Variants in SLC27A3 observed in about 807,000 individuals in gnomAD.
SLC27A3 encodes the protein solute carrier family 27 member 3.
In SLC27A3, 60 loss-of-function variants were observed where a neutral mutation model predicts 60.1. That is an observed-to-expected ratio of 1.00 (90% CI 0.81 to 1.24). The LOEUF (loss-of-function observed/expected upper bound fraction) is 1.24. Ranked by LOEUF, SLC27A3 falls within the 50% of genes most tolerant of loss-of-function variation. SLC27A3 has a pLI of 0.00. For synonymous variants in SLC27A3, 455 were observed against 409.0 expected, an observed-to-expected ratio of 1.11 and a Z score of -1.36; for missense variants, 1,079 against 929.9, an observed-to-expected ratio of 1.16 and a Z score of -2.09.
intron 5 of SLC27A3, 35 bp from the exon 6 acceptor site, chr1:153,778,428 G>A: frequency 6.2e-7 from 1 of 1,611,882 alleles, no homozygotes; most frequent in Non-Finnish European, 8.5e-7. Flanking sequence ...TCATGTGACT[G>A]CAATGATCCA....
At position 153,778,728 on chromosome 1, in the gene SLC27A3, C is replaced by T. The variant is rs1248699174; in HGVS notation, c.1489C>T (p.Pro497Ser). ...GGTGGCCCCGGTAAGCCAGCAGTCCCCATTCCTGGGCTATGCTGGCGGGCC... is the reference window on the plus strand; with the variant it reads ...GGTGGCCCCGGTAAGCCAGCAGTCCTCATTCCTGGGCTATGCTGGCGGGCC... ...LLVAPVSQQS[P>S]FLGYAGGPEL... The change falls in exon 7 of 10, where the codon CCA (proline) becomes TCA (serine). Residue 497 changes from proline (P) to serine (S), a missense_variant. Coordinates refer to ENST00000624995, the MANE Select transcript of SLC27A3 (RefSeq NM_024330.4). The T allele has an allele frequency of 3.1e-6, 5 of 1,613,640 alleles. No individual in the cohort carries two copies. The South Asian group carries it at 5.5e-5, about 18-fold the overall frequency.
chr1:153,778,416 G>T, intron 5 of SLC27A3, 47 bp from the exon 6 acceptor site: 1 of 1,613,126 alleles, frequency 6.2e-7, no homozygotes, highest in South Asian at 1.1e-5. Context: ...AGGAGAGGGG[G>T]CTCATGTGAC....
chr1:153,776,001 A>G lies in SLC27A3; in HGVS notation c.504A>G (p.Ala168=). 6.9e-7 allele frequency: 1 copy of G among 1,451,110 alleles called. No individual in the cohort carries two copies. The highest frequency in any genetic ancestry group is 1.4e-5 in the South Asian group (1 of 69,018). The allele number at this position is 1,451,110 out of a possible 1,614,324, so 89.9% of individuals were successfully genotyped here. Reference sequence around the variant, plus strand: ...CCGCCGCCCCTCTGTCACCTGGAGCAACTGTGGCGCTGCTCCTCCCCGCTG... The same window carrying G: ...CCGCCGCCCCTCTGTCACCTGGAGCGACTGTGGCGCTGCTCCTCCCCGCTG... The part of the protein sequence containing the change: ...GGAAAPLSPG[A]TVALLLPAGP... The change falls in exon 1 of 10, where the codon GCA becomes GCG. Residue 168 remains alanine, a synonymous_variant. Transcript: ENST00000624995.
At chr1:153,777,554 A>G (rs1673292444) in intron 3 of SLC27A3, 1 of 661,592 alleles carries the variant, frequency 1.5e-6, no homozygotes, top group African/African-American at 1.8e-5. Flanking sequence ...GGAAGTAGGG[A>G]AAGGGCATTC....
intron 9 of SLC27A3, 55 bp from the exon 10 acceptor site, chr1:153,779,771 G>C (rs1558024283): frequency 4.5e-6 from 7 of 1,557,090 alleles, no homozygotes; most frequent in Non-Finnish European, 8.8e-7. Context: ...CAACTCCCCT[G>C]AACCACGTGG....
At position 153,778,325 on chromosome 1, in the gene SLC27A3, C is replaced by T. The variant is rs149676181; in HGVS notation, c.1326C>T (p.Gly442=). 3.8e-4 allele frequency: 615 copies of T among 1,614,034 alleles called. 8 individuals are homozygous for T. The South Asian group carries it at 6.1e-3, about 16-fold the overall frequency. The change falls in exon 5 of 10, where the codon GGC becomes GGT. Residue 442 remains glycine (G), a synonymous_variant. Coordinates refer to ENST00000624995, the MANE Select transcript of SLC27A3 (RefSeq NM_024330.4). ...VATINYTGQR[G]AVGRASWLYK... is the part of the protein sequence containing the mutation. ...CCATCAACTACACAGGACAGCGGGG[C>T]GCTGTGGGGCGTGCTTCCTGGCTTT...
Position 153,780,102 on chromosome 1 carries a change from G to A in SLC27A3, c.*100G>A, listed in dbSNP as rs774276421. 89 of 1,061,424 alleles carry A rather than the reference G, an allele frequency of 8.4e-5. No individual in the cohort carries two copies. Among genetic ancestry groups the A allele is most frequent in the Middle Eastern group, 2.9e-4 (1 of 3,414 alleles). 65.8% of individuals were successfully genotyped at this position (1,061,424 alleles called of 1,614,324 possible). A position where few individuals can be genotyped will look rare whatever the true frequency, so the allele number is the denominator to read the frequency against. On this transcript the variant is annotated 3_prime_UTR_variant, in exon 10 of 10. Coordinates refer to ENST00000624995, the MANE Select transcript of SLC27A3 (RefSeq NM_024330.4). ...GGGATCTTTTCTATACCAGAACTGC[G>A]GTCACTATTTTGTAATAAATGTGGC... is the stretch of plus-strand genomic sequence containing the variant.
Position 153,778,280 on chromosome 1 carries a change from G to C in SLC27A3, c.1281G>C (p.Leu427=). Residue 427 remains leucine (L), a synonymous_variant, in exon 5 of 10, where the codon CTG becomes CTC. Coordinates refer to ENST00000624995, the MANE Select transcript of SLC27A3 (RefSeq NM_024330.4). ...TGCAGGTGCTGGAGACATATGGACT[G>C]ACAGAGGGCAACGTGGCCACCATCA... ...GPLQVLETYG[L]TEGNVATINY... 6.2e-7 allele frequency: 1 copy of C among 1,614,182 alleles called. No individual in the cohort carries two copies. Among genetic ancestry groups the C allele is most frequent in the Non-Finnish European group, 8.5e-7 (1 of 1,180,012 alleles).
At chr1:153,777,583 G>C in intron 3 of SLC27A3, 178 bp from the exon 4 acceptor site, 1 of 789,240 alleles carries the variant, frequency 1.3e-6, no homozygotes, top group Non-Finnish European at 2.1e-6. Flanking sequence ...TAAGGCTGGG[G>C]ACAGGGGCCG....
Position 153,777,153 on chromosome 1 carries a change from C to A in SLC27A3, c.969C>A (p.Ile323=), listed in dbSNP as rs1411034445. The A allele has an allele frequency of 6.2e-7, 1 of 1,614,274 alleles. No homozygotes were observed. The highest frequency in any genetic ancestry group is 1.7e-5 in the Admixed American group (1 of 60,034). The part of the protein sequence containing the change: ...QLCGVHQEDV[I]YLALPLYHMS... ...GTGGTGTCCACCAGGAAGATGTGAT[C>A]TACCTCGCCCTCCCACTCTACCACA... Residue 323 remains isoleucine, a synonymous_variant, in exon 3 of 10, where the codon ATC becomes ATA. Coordinates refer to ENST00000624995, the MANE Select transcript of SLC27A3 (RefSeq NM_024330.4).
At position 153,778,616 on chromosome 1, in the gene SLC27A3, A is replaced by C. The variant is rs1228650972; in HGVS notation, c.1447+63A>C. ...GCTGGCACAGGAGGACTGGAATTGG[A>C]GACTGGGGTGGATGGGGGCAGAAGG... is the stretch of plus-strand genomic sequence containing the variant. On this transcript the variant is annotated intron_variant, in intron 6 of 9. Coordinates refer to ENST00000624995, the MANE Select transcript of SLC27A3 (RefSeq NM_024330.4). The C allele has an allele frequency of 3.7e-6, 6 of 1,608,872 alleles. No homozygotes were observed. In the African/African-American group the frequency reaches 8.0e-5, roughly 22 times the overall value.
chr1:153,779,917 A>G lies in SLC27A3; in HGVS notation c.1967A>G (p.Tyr656Cys), dbSNP rs1348345866. 1 of 1,613,990 alleles carries G rather than the reference A, an allele frequency of 6.2e-7. No individual in the cohort carries two copies. The highest frequency in any genetic ancestry group is 1.3e-5 in the African/African-American group (1 of 74,978). Reference protein sequence around the residue: ...FDPSTLSDPLYVLDQAVGAYL... With the variant: ...FDPSTLSDPLCVLDQAVGAYL... ...CCCAGCACCCTGTCTGACCCACTGT[A>G]CGTTCTGGACCAGGCTGTAGGTGCC... The change falls in exon 10 of 10, where the codon TAC becomes TGC. Residue 656 changes from tyrosine to cysteine, a missense_variant. By Grantham distance (194) the Tyr-to-Cys change is radical. Transcript: ENST00000624995.
At chr1:153,779,298 G>A (rs768222326) in intron 8 of SLC27A3, 45 bp from the exon 9 acceptor site, 9 of 1,613,712 alleles carry the variant, frequency 5.6e-6, no homozygotes, top group Non-Finnish European at 7.6e-6. Flanking sequence ...GGCCTTCGTG[G>A]TGGTCAGCCA....
At position 153,775,437 on chromosome 1, in the gene SLC27A3, A is replaced by T; in HGVS notation, c.-61A>T. The T allele has an allele frequency of 6.2e-7, 1 of 1,612,156 alleles. No homozygotes were observed. ...GAGCGGCCCTAGGTTTTCGGAAGGG[A>T]GGATCAGGGATGTTTGCGAGCGGCT... On this transcript the variant is annotated 5_prime_UTR_variant, in exon 1 of 10. Transcript: ENST00000624995.
chr1:153,776,953 C>T, intron 2 of SLC27A3, 109 bp from the exon 3 acceptor site: 1 of 1,279,628 alleles, frequency 7.8e-7, no homozygotes, highest in Non-Finnish European at 1.1e-6. Context: ...TCCTCAGCTT[C>T]TGTCCTGCCT....
rs772488894 is a variant in SLC27A3, at chr1:153,778,477, C to T, written c.1371C>T (p.Phe457=). 4.3e-6 allele frequency: 7 copies of T among 1,614,092 alleles called. No homozygotes were observed. Among genetic ancestry groups the T allele is most frequent in the Non-Finnish European group, 5.9e-6 (7 of 1,180,016 alleles). Residue 457 remains phenylalanine, a synonymous_variant, in exon 6 of 10, where the codon TTC becomes TTT. Coordinates refer to ENST00000624995, the MANE Select transcript of SLC27A3 (RefSeq NM_024330.4). ...ASWLYKHIFP[F]SLIRYDVTTG... ...CCTTTCCCCAGCATATCTTCCCCTT[C>T]TCCTTGATTCGCTATGATGTCACCA... is the stretch of plus-strand genomic sequence containing the variant.
At position 153,777,621 on chromosome 1, in the gene SLC27A3, T is replaced by C. The variant is rs45547235; in HGVS notation, c.1037-140T>C. On this transcript the variant is annotated intron_variant, in intron 3 of 9. Coordinates refer to ENST00000624995, the MANE Select transcript of SLC27A3 (RefSeq NM_024330.4). ...GGAGGGGAAAGAGGGCCAGCACGGC[T>C]TCCTGACGGTGTGACTCCCACAGTG... The C allele has an allele frequency of 1.9e-3, 2,088 of 1,116,320 alleles. 5 individuals carry two copies. The highest frequency in any genetic ancestry group is 2.3e-3 in the Non-Finnish European group (1,783 of 766,478). 69.2% of individuals were successfully genotyped at this position (1,116,320 alleles called of 1,614,324 possible).
chr1:153,775,413 A>C lies in SLC27A3; in HGVS notation c.-85A>C, dbSNP rs748837977. On this transcript the variant is annotated 5_prime_UTR_variant, in exon 1 of 10. Transcript: ENST00000624995. Reference sequence around the variant, plus strand: ...GGAAGGAGAAGTCTCAGCTAGAACGAGCGGCCCTAGGTTTTCGGAAGGGAG... The same window carrying C: ...GGAAGGAGAAGTCTCAGCTAGAACGCGCGGCCCTAGGTTTTCGGAAGGGAG... 1 of 1,611,622 alleles carries C rather than the reference A, an allele frequency of 6.2e-7. No homozygotes were observed. Among genetic ancestry groups the C allele is most frequent in the Non-Finnish European group, 8.5e-7 (1 of 1,179,982 alleles).
chr1:153,777,683 G>T, intron 3 of SLC27A3, 78 bp from the exon 4 acceptor site: 1 of 1,551,062 alleles, frequency 6.4e-7, no homozygotes. Flanking sequence ...GATGGCTGGG[G>T]TCTGGAAAGA....
Sources: gnomAD v4.1 joint callset for allele counts on GRCh38, gnomAD v4.1.1 for gene constraint, MANE v1.5 for transcripts, NCBI Gene and HGNC (gene_info 2026-07-23, HGNC 2026-07-21) for gene names.